The following PSG3 variants were observed in gnomAD, a reference collection of about 807,000 sequenced individuals.
PSG3 encodes the protein pregnancy-specific beta-1-glycoprotein 3.
In PSG3, 61 loss-of-function variants were observed where a neutral mutation model predicts 47.5. The observed-to-expected ratio is 1.28, with a 90% CI of 1.05 to 1.59. The LOEUF (loss-of-function observed/expected upper bound fraction) is 1.59. Among genes scored for constraint, PSG3 ranks in the 40% most tolerant of loss-of-function variants. The pLI is 0.00. For missense variants in PSG3, 756 were observed against 524.0 expected, an observed-to-expected ratio of 1.44 and a Z score of -4.32; for synonymous variants, 263 against 198.4, an observed-to-expected ratio of 1.33 and a Z score of -2.74.
chr19:42,724,874 CAT>C (rs542715083), intron 5 of PSG3, among the ~76,000 whole-genome samples: 4 of 150,446 alleles, frequency 2.7e-5, no homozygotes, highest in South Asian at 2.1e-4. Context: ...CCTCTTTTTC[CAT>C]ATATATATAT....
intron 6 of PSG3, 134 bp downstream of exon 6, chr19:42,723,808 T>G: frequency 1.4e-6 from 1 of 712,688 alleles, no homozygotes; most frequent in African/African-American, 1.8e-5. Context: ...ACTGCAGGAA[T>G]TAGTGCTGAG....
chr19:42,734,957 G>C (rs1395257099), intron 2 of PSG3, among the ~76,000 whole-genome samples: 1 of 152,192 alleles, frequency 6.6e-6, no homozygotes, highest in South Asian at 2.1e-4. Context: ...GAATTAGAAA[G>C]AGTCTAAGTG....
rs1207051431 is a variant in PSG3 at position 42,721,821 on chromosome 19, A to C, written c.*310T>G. 4.9e-6 allele frequency: 2 copies of C among 411,130 alleles called. No homozygotes were observed. The highest frequency in any genetic ancestry group is 8.9e-6 in the Non-Finnish European group (2 of 225,698). The allele number at this position is 411,130 out of a possible 1,614,324, so 25.5% of individuals were successfully genotyped here. A position where few individuals can be genotyped will look rare whatever the true frequency, so the allele number is the denominator to read the frequency against. On this transcript the variant is annotated 3_prime_UTR_variant, in exon 7 of 7. Transcript: ENST00000327495. ...TGGAGAATAAAACATTCAAAGAATCAGCACATTTTCAAATAGAAAATTATG... is the reference window on the plus strand; with the variant it reads ...TGGAGAATAAAACATTCAAAGAATCCGCACATTTTCAAATAGAAAATTATG...
intron 5 of PSG3, among the ~76,000 whole-genome samples, chr19:42,725,239 G>T (rs192010091): frequency 6.6e-6 from 1 of 152,116 alleles, no homozygotes. Context: ...GCAGTTTTCA[G>T]GTGAGGTATC....
At chr19:42,726,942 A>G (rs1214949228) in intron 5 of PSG3, among the ~76,000 whole-genome samples, 3 of 152,248 alleles carry the variant, frequency 2.0e-5, no homozygotes, top group Admixed American at 6.5e-5. Context: ...GGACATAGAA[A>G]TTAATGAAAT....
In PSG3 at chr19:42,738,854, T is replaced by G. The variant is rs1195873294; in HGVS notation, c.300A>C (p.Thr100=). 1.9e-6 allele frequency: 3 copies of G among 1,614,042 alleles called. No individual in the cohort carries two copies. The highest frequency in any genetic ancestry group is 1.3e-5 in the African/African-American group (1 of 74,912). Residue 100 remains threonine (T), a synonymous_variant, in exon 2 of 7, where the codon ACA becomes ACC. Transcript: ENST00000327495. Reference sequence around the variant, plus strand: ...TCAGCAGGGATGCATTGGAATATACTGTTTCTCGTCCACTGTATGCAGGCC... The same window carrying G: ...TCAGCAGGGATGCATTGGAATATACGGTTTCTCGTCCACTGTATGCAGGCC... ...IYGPAYSGRE[T]VYSNASLLIQ... is the part of the protein sequence containing the mutation.
At chr19:42,724,472 G>A (rs1969343943) in intron 5 of PSG3, among the ~76,000 whole-genome samples, 1 of 152,156 alleles carries the variant, frequency 6.6e-6, no homozygotes, top group African/African-American at 2.4e-5. Flanking sequence ...TGCACAGAAA[G>A]CTTCTTTCCT....
chr19:42,737,244 C>T (rs1451401937), intron 2 of PSG3, among the ~76,000 whole-genome samples: 3 of 152,100 alleles, frequency 2.0e-5, no homozygotes, highest in Non-Finnish European at 4.4e-5. Context: ...TGGGTGTCAG[C>T]CTCTGAAGGA....
chr19:42,738,393 C>T (rs1302360181), intron 2 of PSG3, among the ~76,000 whole-genome samples: 1 of 152,160 alleles, frequency 6.6e-6, no homozygotes, highest in Non-Finnish European at 1.5e-5. Flanking sequence ...GCCCCTGAGG[C>T]CAAGCCCTAC....
At chr19:42,724,584 A>T (rs1568745528) in intron 5 of PSG3, among the ~76,000 whole-genome samples, 1 of 151,396 alleles carries the variant, frequency 6.6e-6, no homozygotes, top group African/African-American at 2.4e-5. Context: ...CCTTGCAAAA[A>T]CTCTTATAAT....
chr19:42,724,881 A>G (rs1969351597), intron 5 of PSG3, among the ~76,000 whole-genome samples: 1 of 151,650 alleles, frequency 6.6e-6, no homozygotes, highest in Admixed American at 6.6e-5. Context: ...TTCCATATAT[A>G]TATATATGGA....
intron 1 of PSG3, chr19:42,739,321 C>T: frequency 1.3e-6 from 1 of 750,466 alleles, no homozygotes; most frequent in East Asian, 3.2e-5. Context: ...CACTTCTGAC[C>T]TTGGCATTTT....
At chr19:42,734,783 A>G (rs1177753437) in intron 2 of PSG3, among the ~76,000 whole-genome samples, 1 of 152,238 alleles carries the variant, frequency 6.6e-6, no homozygotes, top group Admixed American at 6.5e-5. Flanking sequence ...AGGATGCCAA[A>G]CTAAAAGAAG....
At chr19:42,729,688 C>G in intron 4 of PSG3, 90 bp downstream of exon 4, 1 of 1,572,488 alleles carries the variant, frequency 6.4e-7, no homozygotes, top group Non-Finnish European at 8.6e-7. Flanking sequence ...GGTATCTATA[C>G]TTGGACCAGA....
intron 5 of PSG3, among the ~76,000 whole-genome samples, chr19:42,724,796 T>C (rs1568745637): frequency 6.6e-6 from 1 of 152,098 alleles, no homozygotes; most frequent in African/African-American, 2.4e-5. Context: ...CTTGATTCTT[T>C]GCACTTAGCT....
At chr19:42,740,040 C>T (rs1969644475) in intron 1 of PSG3, among the ~76,000 whole-genome samples, 1 of 151,624 alleles carries the variant, frequency 6.6e-6, no homozygotes, top group South Asian at 2.1e-4. Context: ...GCAATTTCTT[C>T]CTCCCGGGTT....
intron 2 of PSG3, chr19:42,734,262 A>T (rs1969524825): frequency 6.6e-6 from 1 of 152,244 alleles, no homozygotes; most frequent in African/African-American, 2.4e-5. Flanking sequence ...TGGATTTCTA[A>T]TTTTTTTTAT....
chr19:42,726,541 A>C (rs896310906), intron 5 of PSG3, among the ~76,000 whole-genome samples: 11 of 152,368 alleles, frequency 7.2e-5, no homozygotes, highest in South Asian at 6.2e-4. Context: ...AATTTATATT[A>C]ACATCAAAAA....
At chr19:42,724,982 C>T (rs1969353553) in intron 5 of PSG3, among the ~76,000 whole-genome samples, 1 of 152,076 alleles carries the variant, frequency 6.6e-6, no homozygotes, top group African/African-American at 2.4e-5. Flanking sequence ...CACAATAACC[C>T]TGTGAGGTAG....
Sources: allele counts gnomAD v4.1 joint callset (sites outside exome capture counted in the v4.1 genomes callset), GRCh38; gene constraint gnomAD v4.1.1; transcripts MANE v1.5; gene names NCBI Gene and HGNC (gene_info 2026-07-23, HGNC 2026-07-21).